RALYL: variants seen among roughly 807,000 people sequenced by gnomAD.
The protein encoded by RALYL is RNA-binding Raly-like protein.
A neutral mutation model predicts 35.1 loss-of-function variants in RALYL; 29 were observed. The observed-to-expected ratio is 0.83, with a 90% CI of 0.61 to 1.13. The LOEUF (loss-of-function observed/expected upper bound fraction) is 1.13. Ranked by LOEUF, RALYL falls within the 50% of genes most tolerant of loss-of-function variation. The probability of loss-of-function intolerance (pLI) is 0.00; values close to 1 mark genes in which losing one functional copy is unlikely to be tolerated. For synonymous variants in RALYL, 120 were observed against 127.6 expected (o/e 0.94, Z 0.40); for missense variants, 359 against 360.4 (o/e 1.00, Z 0.03).
chr8:84,367,328 T>G (rs377673375), intron 1 of RALYL, among the ~76,000 whole-genome samples: 712 of 24,370 alleles, frequency 0.029, 15 homozygotes, highest in African/African-American at 0.12. Context: ...ATTTTTTTTT[T>G]TTTTTTTTTT....
At chr8:84,474,883 C>T (rs1428550129) in intron 1 of RALYL, among the ~76,000 whole-genome samples, 1 of 148,654 alleles carries the variant, frequency 6.7e-6, no homozygotes, top group African/African-American at 2.5e-5. Context: ...CACCCCCAGC[C>T]CCACCCCACC....
At chr8:84,787,869 G>A (rs1819906676) in intron 3 of RALYL, among the ~76,000 whole-genome samples, 1 of 152,064 alleles carries the variant, frequency 6.6e-6, no homozygotes, top group Admixed American at 6.5e-5. Context: ...TGATGGGGTT[G>A]TTTTTTTCTT....
intron 2 of RALYL, among the ~76,000 whole-genome samples, chr8:84,729,680 A>T (rs1845745198): frequency 6.6e-6 from 1 of 152,138 alleles, no homozygotes; most frequent in Non-Finnish European, 1.5e-5. Context: ...AAATAGACGC[A>T]ATAAAAAATG....
chr8:84,312,863 C>G (rs924248482), intron 1 of RALYL, among the ~76,000 whole-genome samples: 1 of 152,228 alleles, frequency 6.6e-6, no homozygotes, highest in African/African-American at 2.4e-5. Context: ...TTTCTCACAG[C>G]TCCACTAGGC....
At chr8:84,195,363 C>G (rs1203758701) in intron 1 of RALYL, among the ~76,000 whole-genome samples, 1 of 152,082 alleles carries the variant, frequency 6.6e-6, no homozygotes, top group Non-Finnish European at 1.5e-5. Flanking sequence ...TTGTTTGAAC[C>G]TGGGAGGCAG....
intron 2 of RALYL, among the ~76,000 whole-genome samples, chr8:84,670,701 A>G (rs375092468): frequency 9.2e-5 from 14 of 152,294 alleles, no homozygotes; most frequent in African/African-American, 3.4e-4. Flanking sequence ...AATCACTATC[A>G]TGAGAACAGC....
chr8:84,332,635 C>G (rs976384451), intron 1 of RALYL, among the ~76,000 whole-genome samples: 39 of 152,102 alleles, frequency 2.6e-4, no homozygotes, highest in African/African-American at 8.9e-4. Context: ...ATAATATTTC[C>G]CCTTTTTTAT....
intron 3 of RALYL, among the ~76,000 whole-genome samples, chr8:84,774,946 T>A (rs1816482462): frequency 6.6e-6 from 1 of 152,090 alleles, no homozygotes; most frequent in Non-Finnish European, 1.5e-5. Context: ...TGGTTAACTT[T>A]TTTTATTTTA....
chr8:84,343,888 G>T (rs924448206), intron 1 of RALYL, among the ~76,000 whole-genome samples: 129 of 148,292 alleles, frequency 8.7e-4, no homozygotes, highest in African/African-American at 2.9e-3. Context: ...TTGTTTGTTT[G>T]TTTTTTTTTT....
intron 8 of RALYL, among the ~76,000 whole-genome samples, chr8:84,913,025 T>TAGGTAGGTA (rs1241466131): frequency 7.2e-6 from 1 of 138,642 alleles, no homozygotes; most frequent in Non-Finnish European, 1.5e-5. Context: ...GATGGATGGA[T>TAGGTAGGTA]GGATGGATAG....
rs537672765 is a variant in RALYL at position 84,363,593 on chromosome 8, A to G, written c.-23-165706A>G. Among the ~76,000 whole-genome samples the G allele has an allele frequency of 4.6e-5, 7 of 152,278 alleles. No homozygotes were observed. The South Asian group carries it at 1.5e-3, about 32-fold the overall frequency. The stretch of plus-strand genomic sequence containing the variant: ...ACTGCAAAATCACTCCCAAGAAGAG[A>G]GAAGAGATTTGATATTATTCTTATA... On this transcript the variant is annotated intron_variant, in intron 1 of 8. Coordinates refer to ENST00000521268, the MANE Select transcript of RALYL (RefSeq NM_173848.7).
At chr8:84,331,144 G>T (rs969709032) in intron 1 of RALYL, among the ~76,000 whole-genome samples, 6 of 152,032 alleles carry the variant, frequency 3.9e-5, no homozygotes, top group African/African-American at 1.4e-4. Flanking sequence ...TTAGCCTAAG[G>T]TGATATCCCA....
In RALYL at chr8:84,643,732, C is replaced by T. The variant is rs57759189; in HGVS notation, c.256+114155C>T. ...AATAAAAACTAAGTGAATTTATTTA[C>T]TAAAACTAATAATGGAGAAGTAGCC... On this transcript the variant is annotated intron_variant, in intron 2 of 8. Coordinates refer to ENST00000521268, the MANE Select transcript of RALYL (RefSeq NM_173848.7). 7.6e-3 allele frequency among the ~76,000 whole-genome samples: 1,162 copies of T among 152,102 alleles called. 13 individuals carry two copies. Among genetic ancestry groups the T allele is most frequent in the African/African-American group, 0.026 (1,068 of 41,510 alleles).
chr8:84,467,223 A>T (rs2051826560), intron 1 of RALYL, among the ~76,000 whole-genome samples: 1 of 151,758 alleles, frequency 6.6e-6, no homozygotes, highest in South Asian at 2.1e-4. Context: ...TAATTCTTTT[A>T]ATTGTGATGT....
At chr8:84,456,343 T>C (rs907747424) in intron 1 of RALYL, among the ~76,000 whole-genome samples, 8 of 152,048 alleles carry the variant, frequency 5.3e-5, no homozygotes, top group Admixed American at 4.6e-4. Context: ...GTATCACTGT[T>C]ATACCAACAG....
At chr8:84,594,488 A>G (rs749697932) in intron 2 of RALYL, among the ~76,000 whole-genome samples, 1 of 152,072 alleles carries the variant, frequency 6.6e-6, no homozygotes, top group Non-Finnish European at 1.5e-5. Flanking sequence ...ATGATTTATT[A>G]TGAACAATTT....
chr8:84,754,918 A>G (rs1204988880), intron 2 of RALYL, among the ~76,000 whole-genome samples: 1 of 152,164 alleles, frequency 6.6e-6, no homozygotes, highest in Non-Finnish European at 1.5e-5. Context: ...AACCACTATG[A>G]GGTGGTACAA....
At position 84,311,086 on chromosome 8, in the gene RALYL, A is replaced by T. The variant is rs1451811073; in HGVS notation, c.-24+126662A>T. 6.4e-4 allele frequency among the ~76,000 whole-genome samples: 81 copies of T among 127,146 alleles called. 2 individuals carry two copies. The highest frequency in any genetic ancestry group is 9.1e-4 in the East Asian group (4 of 4,398). The allele number at this position is 127,146 out of a possible 152,430, so 83.4% of individuals were successfully genotyped here. ...AAAAAAAAAAAAAAAAAAAAAAAAA[A>T]AAAAATGTATATTAATGTATAGTAT... is the stretch of plus-strand genomic sequence containing the variant. On this transcript the variant is annotated intron_variant, in intron 1 of 8. Transcript: ENST00000521268.
At chr8:84,458,019 C>T (rs114380240) in intron 1 of RALYL, among the ~76,000 whole-genome samples, 118 of 151,842 alleles carry the variant, frequency 7.8e-4, no homozygotes, top group African/African-American at 2.6e-3. Context: ...CCTCAAGAAG[C>T]GTTTTTTAAA....
Sources: gnomAD v4.1 joint callset for allele counts (sites outside exome capture counted in the v4.1 genomes callset) on GRCh38, gnomAD v4.1.1 for gene constraint, MANE v1.5 for transcripts, NCBI Gene and HGNC (gene_info 2026-07-23, HGNC 2026-07-21) for gene names.